Variants in SHANK2 observed in about 807,000 individuals in gnomAD.
SHANK2 encodes the protein SH3 and multiple ankyrin repeat domains 2.
Under a neutral mutation model 133.7 loss-of-function variants are expected in SHANK2, and 43 were observed. The ratio of observed to expected loss-of-function variants is 0.32; its 90% confidence interval spans 0.25 to 0.41. The LOEUF is 0.41. SHANK2 is among the 10% of genes least tolerant of loss of function. The pLI is 1.00. For missense variants in SHANK2, 1,994 were observed against 2,235.8 expected, an observed-to-expected ratio of 0.89 and a Z score of 2.18; for synonymous variants, 1,017 against 952.8, an observed-to-expected ratio of 1.07 and a Z score of -1.24.
intron 17 of SHANK2, among the ~76,000 whole-genome samples, chr11:70,558,478 G>C (rs1554980108): frequency 1.3e-5 from 2 of 152,232 alleles, no homozygotes; most frequent in Non-Finnish European, 2.9e-5. Context: ...GCTGGAGCCA[G>C]CCTGCCAGGG....
In SHANK2 at chr11:71,146,157, C is replaced by T. The variant is rs181688806; in HGVS notation, c.207+963G>A. ...ACCCTACTAGGCGCCTGTTTGCAAC[C>T]ATTATGTCTGCTCCACGCTTCCAGC... On this transcript the variant is annotated intron_variant, in intron 3 of 25. Coordinates refer to ENST00000601538, the MANE Select transcript of SHANK2 (RefSeq NM_012309.5). Among the ~76,000 whole-genome samples the T allele has an allele frequency of 5.5e-4, 84 of 152,336 alleles. No homozygotes were observed. The East Asian group carries it at 0.013, about 24-fold the overall frequency.
At chr11:70,492,976 A>C (rs1385615982) in intron 21 of SHANK2, among the ~76,000 whole-genome samples, 2 of 151,262 alleles carry the variant, frequency 1.3e-5, no homozygotes, top group African/African-American at 4.9e-5. Context: ...TTGTATTTTT[A>C]GTAGAGACGG....
chr11:71,238,582 C>T (rs1381844038), intron 1 of SHANK2, among the ~76,000 whole-genome samples: 1 of 152,186 alleles, frequency 6.6e-6, no homozygotes, highest in East Asian at 1.9e-4. Context: ...CCAAAGATGT[C>T]GAGGTAAGAG....
In SHANK2 at chr11:70,487,064, G is replaced by A; in HGVS notation, c.3229C>T (p.Pro1077Ser). Residue 1077 changes from proline to serine, a missense_variant, in exon 25 of 26, where the codon CCC becomes TCC. Around this residue, in one of 5 missense-constraint regions of SHANK2, gnomAD observed 488 missense variants for 642.6 expected, o/e 0.76. Transcript: ENST00000601538. This position sits in a 1 kb window ranked among gnomAD's most constrained non-coding sequence, Gnocchi z 5.8. ...RPDESLTVSSPFAAAIAGAVR... is the reference protein window; with the variant it reads ...RPDESLTVSSSFAAAIAGAVR... ...GCTCCGGCGATGGCGGCGGCAAAGG[G>A]GCTGCTGACGGTCAGGCTTTCGTCA... is the stretch of plus-strand genomic sequence containing the variant. 1 of 1,609,392 alleles carries A rather than the reference G, an allele frequency of 6.2e-7. No homozygotes were observed. The highest frequency in any genetic ancestry group is 8.5e-7 in the Non-Finnish European group (1 of 1,179,794).
At chr11:71,223,411 T>A (rs1326597485) in intron 2 of SHANK2, among the ~76,000 whole-genome samples, 1 of 152,230 alleles carries the variant, frequency 6.6e-6, no homozygotes, top group Non-Finnish European at 1.5e-5. Context: ...GAAATATTTT[T>A]TAGTTGCATC....
At chr11:71,123,050 G>T (rs566927859) in intron 3 of SHANK2, among the ~76,000 whole-genome samples, 2 of 152,118 alleles carry the variant, frequency 1.3e-5, no homozygotes, top group Non-Finnish European at 2.9e-5. Context: ...CAGCTCCCAG[G>T]GAGCTCCCCT....
chr11:70,871,023 C>A (rs1949451730), intron 11 of SHANK2, among the ~76,000 whole-genome samples: 2 of 152,196 alleles, frequency 1.3e-5, no homozygotes, highest in African/African-American at 4.8e-5. Flanking sequence ...GGTGATCCAT[C>A]CGCCTCAGCC....
At chr11:70,729,215 A>AAAAAGAAG (rs1337957920) in intron 14 of SHANK2, among the ~76,000 whole-genome samples, 1 of 151,898 alleles carries the variant, frequency 6.6e-6, no homozygotes, top group Non-Finnish European at 1.5e-5. Context: ...TTAAAAAAAA[A>AAAAAGAAG]AAAAGAAGAA....
chr11:70,942,909 G>A (rs1950667800), intron 10 of SHANK2: 2 of 455,400 alleles, frequency 4.4e-6, no homozygotes, highest in African/African-American at 2.0e-5. Context: ...TGGGTCTGGT[G>A]CTGGGTGCCA....
intron 17 of SHANK2, among the ~76,000 whole-genome samples, chr11:70,638,252 G>A (rs2061131967): frequency 1.3e-5 from 2 of 152,232 alleles, no homozygotes; most frequent in African/African-American, 4.8e-5. Flanking sequence ...CTTGAAGAAT[G>A]TGCTGCCAGG....
chr11:70,678,531 GCT>G (rs1491110739), intron 15 of SHANK2, among the ~76,000 whole-genome samples: 91 of 126,736 alleles, frequency 7.2e-4, no homozygotes, highest in Non-Finnish European at 1.3e-3. Context: ...CTAAGAACAG[GCT>G]TTTTTTTTTT....
chr11:71,190,777 T>C (rs1016140295), intron 2 of SHANK2, among the ~76,000 whole-genome samples: 1 of 152,162 alleles, frequency 6.6e-6, no homozygotes, highest in Admixed American at 6.5e-5. Flanking sequence ...GGCTCCACCC[T>C]GGGCTGCGTG....
chr11:70,876,611 G>GCA (rs1224976847), intron 11 of SHANK2, among the ~76,000 whole-genome samples: 3 of 132,726 alleles, frequency 2.3e-5, no homozygotes, highest in Non-Finnish European at 4.6e-5. Context: ...ACACACACAC[G>GCA]CACACACACA....
chr11:70,623,409 T>G (rs555772512), intron 17 of SHANK2, among the ~76,000 whole-genome samples: 1 of 152,336 alleles, frequency 6.6e-6, no homozygotes, highest in Non-Finnish European at 1.5e-5. Flanking sequence ...TCATCGTTAT[T>G]TATTCATTTC....
At chr11:70,627,308 C>G (rs1668979174) in intron 17 of SHANK2, among the ~76,000 whole-genome samples, 1 of 152,234 alleles carries the variant, frequency 6.6e-6, no homozygotes, top group African/African-American at 2.4e-5. Flanking sequence ...ACCCACCACA[C>G]TGCCCTTGAA....
At chr11:71,139,666 T>C (rs1952515733) in intron 3 of SHANK2, among the ~76,000 whole-genome samples, 1 of 152,162 alleles carries the variant, frequency 6.6e-6, no homozygotes, top group Non-Finnish European at 1.5e-5. Flanking sequence ...ATGCTGAATG[T>C]CCAGAGCCAG....
At chr11:71,085,869 T>A (rs1951393010) in intron 8 of SHANK2, among the ~76,000 whole-genome samples, 77 of 294 alleles carry the variant, frequency 0.26, 4 homozygotes, top group African/African-American at 0.35. Context: ...TTTTAATATA[T>A]TATATATTTA....
intron 17 of SHANK2, among the ~76,000 whole-genome samples, chr11:70,567,456 G>A (rs756583327): frequency 2.2e-4 from 34 of 152,044 alleles, no homozygotes; most frequent in Non-Finnish European, 4.1e-4. Flanking sequence ...GTGAAATCCC[G>A]TCTCTACTGA....
chr11:71,234,392 A>AATAAATAAATAT (rs1555123392), intron 1 of SHANK2, among the ~76,000 whole-genome samples: 1 of 151,146 alleles, frequency 6.6e-6, no homozygotes, highest in African/African-American at 2.4e-5. Context: ...TAAATAAATA[A>AATAAATAAATAT]ATAAATAAAT....
Sources: gnomAD v4.1 joint callset for allele counts (sites outside exome capture counted in the v4.1 genomes callset) on GRCh38, gnomAD v4.1.1 for gene constraint, gnomAD v4.1.1 regional missense constraint, Gnocchi (gnomAD v3.1) non-coding constraint, MANE v1.5 for transcripts, NCBI Gene and HGNC (gene_info 2026-07-23, HGNC 2026-07-21) for gene names.